Variants in AAR2 observed in about 807,000 individuals in gnomAD.
AAR2 encodes the protein protein AAR2 homolog.
Under a neutral mutation model 26.9 loss-of-function variants are expected in AAR2, and 31 were observed. That is an observed-to-expected ratio of 1.15 (90% CI 0.86 to 1.55). AAR2 has a LOEUF of 1.55. AAR2 is among the 40% of genes most tolerant of loss of function. AAR2 has a pLI of 0.00. For synonymous variants in AAR2, 188 were observed against 196.1 expected, an observed-to-expected ratio of 0.96 and a Z score of 0.34; for missense variants, 430 against 491.3, an observed-to-expected ratio of 0.88 and a Z score of 1.18.
chr20:36,240,932 G>A (rs2064674864), intron 2 of AAR2, among the ~76,000 whole-genome samples: 1 of 152,172 alleles, frequency 6.6e-6, no homozygotes, highest in African/African-American at 2.4e-5. Context: ...CCCACTGAGT[G>A]GCTGAACTGA....
chr20:36,242,931 C>CA (rs2064698718), intron 2 of AAR2, among the ~76,000 whole-genome samples: 1 of 146,718 alleles, frequency 6.8e-6, no homozygotes, highest in East Asian at 2.0e-4. Context: ...GATCACAACT[C>CA]ACTGCAGCCT....
At chr20:36,241,024 A>AG (rs11481240) in intron 2 of AAR2, among the ~76,000 whole-genome samples, 7,465 of 151,812 alleles carry the variant, frequency 0.049, 633 homozygotes, top group African/African-American at 0.17. Flanking sequence ...TTTGCTCCTG[A>AG]CCCTCAAGAT....
Position 36,240,002 on chromosome 20 carries a change from T to G in AAR2, c.134T>G (p.Phe45Cys), listed in dbSNP as rs1376876429. 2.5e-6 allele frequency: 4 copies of G among 1,614,040 alleles called. No individual in the cohort carries two copies. The Admixed American group carries it at 6.7e-5, about 27-fold the overall frequency. The change falls in exon 2 of 4, where the codon TTC becomes TGC. Residue 45 changes from phenylalanine (F) to cysteine (C), a missense_variant. Physicochemically the swap from Phe to Cys is radical, Grantham distance 205. Transcript: ENST00000320849. ...DYNSWEVGPK[F>C]RGVKMIPPGI... The stretch of plus-strand genomic sequence containing the variant: ...AACTCCTGGGAGGTCGGGCCCAAGT[T>G]CCGGGGCGTGAAGATGATCCCTCCA...
chr20:36,245,245 T>C (rs2064723349), intron 3 of AAR2, among the ~76,000 whole-genome samples: 1 of 152,214 alleles, frequency 6.6e-6, no homozygotes, highest in African/African-American at 2.4e-5. Context: ...CATGAATTGC[T>C]ACAACCCAGT....
intron 2 of AAR2, 51 bp from the exon 3 acceptor site, chr20:36,244,646 C>T (rs141514980): frequency 3.9e-6 from 6 of 1,540,274 alleles, no homozygotes; most frequent in African/African-American, 1.4e-5. Flanking sequence ...TGGAGAGTGT[C>T]AGCTGGTCCT....
rs1251730956 is a variant in AAR2 at position 36,255,769 on chromosome 20, A to T, written c.*24A>T. ...AACTCGGGGAGCGCTCTCAGCTGCG[A>T]GGGGCCCCTTCCCACAGGGCTGCAG... On this transcript the variant is annotated 3_prime_UTR_variant, in exon 4 of 4. Coordinates refer to ENST00000320849, the MANE Select transcript of AAR2 (RefSeq NM_001271874.2). 6.2e-7 allele frequency: 1 copy of T among 1,613,240 alleles called. No homozygotes were observed. Among genetic ancestry groups the T allele is most frequent in the African/African-American group, 1.3e-5 (1 of 74,896 alleles).
chr20:36,254,174 GA>G (rs2064801923), intron 3 of AAR2, among the ~76,000 whole-genome samples: 1 of 152,214 alleles, frequency 6.6e-6, no homozygotes, highest in African/African-American at 2.4e-5. Context: ...ACGATAGCCA[GA>G]AGGTAAAAAC....
chr20:36,244,825 A>T lies in AAR2; in HGVS notation c.886A>T (p.Ile296Phe), dbSNP rs763908537. 6.2e-7 allele frequency: 1 copy of T among 1,614,098 alleles called. No individual in the cohort carries two copies. Residue 296 changes from isoleucine to phenylalanine, a missense_variant, in exon 3 of 4, where the codon ATC becomes TTC. By Grantham distance (21) the Ile-to-Phe change is conservative. Transcript: ENST00000320849. ...CATGATGAAGCACCACACCCTCTAC[A>T]TCAACCTCATCTCCATCCTGTACCA... is the stretch of plus-strand genomic sequence containing the variant. ...AAMMKHHTLY[I>F]NLISILYHQL...
At chr20:36,246,259 C>T (rs541875645) in intron 3 of AAR2, among the ~76,000 whole-genome samples, 6 of 152,124 alleles carry the variant, frequency 3.9e-5, no homozygotes, top group African/African-American at 9.7e-5. Flanking sequence ...AAGACTTCAT[C>T]GAGGTCCTGT....
chr20:36,248,070 T>A (rs1454584215), intron 3 of AAR2, among the ~76,000 whole-genome samples: 2 of 152,160 alleles, frequency 1.3e-5, no homozygotes, highest in Non-Finnish European at 2.9e-5. Flanking sequence ...TGATTTTCCC[T>A]CTCCCTGGTA....
intron 1 of AAR2, among the ~76,000 whole-genome samples, chr20:36,237,826 A>G (rs1189249655): frequency 2.0e-5 from 3 of 150,706 alleles, no homozygotes; most frequent in Non-Finnish European, 3.0e-5. Flanking sequence ...TCAGACCCCC[A>G]GGCTGGAGTG....
chr20:36,237,622 G>A (rs1364095484), intron 1 of AAR2, among the ~76,000 whole-genome samples: 2 of 152,096 alleles, frequency 1.3e-5, no homozygotes, highest in Non-Finnish European at 2.9e-5. Context: ...TCATTATCAA[G>A]GAGGAGCACA....
chr20:36,244,809 G>T lies in AAR2; in HGVS notation c.870G>T (p.Lys290Asn), dbSNP rs1171395237. Residue 290 changes from lysine to asparagine, a missense_variant, in exon 3 of 4, where the codon AAG becomes AAT. Physicochemically the swap from Lys to Asn is moderately conservative, Grantham distance 94 (BLOSUM62 0). Transcript: ENST00000320849. The stretch of plus-strand genomic sequence containing the variant: ...GCCGGTCAGAAGCAGCCATGATGAA[G>T]CACCACACCCTCTACATCAACCTCA... ...LLCRSEAAMM[K>N]HHTLYINLIS... The T allele has an allele frequency of 5.0e-6, 8 of 1,614,032 alleles. No individual in the cohort carries two copies. In the African/African-American group the frequency reaches 9.3e-5, roughly 19 times the overall value.
At chr20:36,253,436 A>G (rs903400950) in intron 3 of AAR2, among the ~76,000 whole-genome samples, 2 of 152,144 alleles carry the variant, frequency 1.3e-5, no homozygotes. Context: ...TCAGTCATTT[A>G]ACTCCTCTCA....
rs752437824 is a variant in AAR2 at position 36,244,690 on chromosome 20, C to G, written c.758-7C>G. The G allele has an allele frequency of 1.2e-6, 2 of 1,614,032 alleles. No individual in the cohort carries two copies. The highest frequency in any genetic ancestry group is 1.3e-5 in the African/African-American group (1 of 75,024). On this transcript the variant is annotated splice_polypyrimidine_tract_variant and splice_region_variant and intron_variant, in intron 2 of 3. Transcript: ENST00000320849. Reference sequence around the variant, plus strand: ...TCAGAATCACTTCTCCTCTCTGCACCTTTCAGGTGAACTCCAGTTTGCTTT... The same window carrying G: ...TCAGAATCACTTCTCCTCTCTGCACGTTTCAGGTGAACTCCAGTTTGCTTT...
chr20:36,238,630 C>A (rs929282905), intron 1 of AAR2, among the ~76,000 whole-genome samples: 1 of 151,864 alleles, frequency 6.6e-6, no homozygotes, highest in Non-Finnish European at 1.5e-5. Context: ...GTGGCACACA[C>A]CGGTAGTCTC....
chr20:36,238,946 G>T (rs532420442), intron 1 of AAR2, among the ~76,000 whole-genome samples: 6 of 152,228 alleles, frequency 3.9e-5, no homozygotes, highest in African/African-American at 1.2e-4. Context: ...AATTAGTCAG[G>T]TAGGTATCTT....
chr20:36,244,662 C>G, intron 2 of AAR2, 35 bp from the exon 3 acceptor site: 1 of 1,599,866 alleles, frequency 6.3e-7, no homozygotes, highest in Non-Finnish European at 8.5e-7. Context: ...GTCCTCCTCT[C>G]CCTCAGAATC....
chr20:36,240,675 CA>C (rs1375532312), intron 2 of AAR2, 50 bp downstream of exon 2: 1 of 1,572,002 alleles, frequency 6.4e-7, no homozygotes, highest in African/African-American at 1.4e-5. Context: ...AGGATATTAG[CA>C]GAGGTGTTTT....
Sources: gnomAD v4.1 joint callset for allele counts (sites outside exome capture counted in the v4.1 genomes callset) on GRCh38, gnomAD v4.1.1 for gene constraint, MANE v1.5 for transcripts, NCBI Gene and HGNC (gene_info 2026-07-23, HGNC 2026-07-21) for gene names.